PPFIA2: variants seen among roughly 807,000 people sequenced by gnomAD.
PPFIA2 encodes PPFI scaffold protein A2.
Under a neutral mutation model 175.5 loss-of-function variants are expected in PPFIA2, and 46 were observed. The ratio of observed to expected loss-of-function variants is 0.26; its 90% CI spans 0.21 to 0.34. The LOEUF is 0.34. PPFIA2 is among the 10% of genes least tolerant of loss of function. The pLI is 1.00. For synonymous variants in PPFIA2, 568 were observed against 511.4 expected, an observed-to-expected ratio of 1.11 and a Z score of -1.49; for missense variants, 1,179 against 1,506.1, an observed-to-expected ratio of 0.78 and a Z score of 3.60.
At chr12:81,583,150 G>A (rs1466272191) in intron 4 of PPFIA2, among the ~76,000 whole-genome samples, 2 of 151,666 alleles carry the variant, frequency 1.3e-5, no homozygotes, top group East Asian at 3.9e-4. Context: ...GCTTCCAATT[G>A]CACCTTGACT....
At chr12:81,334,827 G>C (rs564637620) in intron 21 of PPFIA2, among the ~76,000 whole-genome samples, 1 of 152,112 alleles carries the variant, frequency 6.6e-6, no homozygotes, top group Non-Finnish European at 1.5e-5. Flanking sequence ...TCTATTATTT[G>C]TCATATTCTC....
At chr12:81,318,929 C>T (rs2053036138) in intron 22 of PPFIA2, among the ~76,000 whole-genome samples, 2 of 151,428 alleles carry the variant, frequency 1.3e-5, no homozygotes, top group Admixed American at 6.6e-5. Flanking sequence ...ACATACTGAG[C>T]AAAAGAATGA....
chr12:81,432,132 T>C (rs1288217001), intron 7 of PPFIA2, among the ~76,000 whole-genome samples: 1 of 152,150 alleles, frequency 6.6e-6, no homozygotes, highest in Non-Finnish European at 1.5e-5. Flanking sequence ...CATTTTTAAG[T>C]GTGCCCTTTA....
intron 4 of PPFIA2, among the ~76,000 whole-genome samples, chr12:81,460,061 A>ATAAT (rs2054257411): frequency 6.6e-6 from 1 of 152,084 alleles, no homozygotes; most frequent in Non-Finnish European, 1.5e-5. Context: ...GTACATTTAG[A>ATAAT]GGTACCCTTT....
At chr12:81,650,381 G>A (rs1455893136) in intron 4 of PPFIA2, among the ~76,000 whole-genome samples, 5 of 151,782 alleles carry the variant, frequency 3.3e-5, no homozygotes, top group East Asian at 1.9e-4. Context: ...TAAATATACC[G>A]GATAACTTGT....
At chr12:81,592,484 C>T (rs971403910) in intron 4 of PPFIA2, among the ~76,000 whole-genome samples, 2 of 152,144 alleles carry the variant, frequency 1.3e-5, no homozygotes, top group African/African-American at 4.8e-5. Context: ...TCCCACACTT[C>T]CTACATGTTG....
At chr12:81,286,560 C>T (rs1333499165) in intron 24 of PPFIA2, among the ~76,000 whole-genome samples, 2 of 152,124 alleles carry the variant, frequency 1.3e-5, no homozygotes, top group Admixed American at 1.3e-4. Flanking sequence ...ACCACATAGC[C>T]TAGGTGTGCA....
At chr12:81,325,703 C>CT in intron 22 of PPFIA2, 74 bp downstream of exon 22, 1 of 1,118,904 alleles carries the variant, frequency 8.9e-7, no homozygotes, top group East Asian at 2.6e-5. Flanking sequence ...CAACCACTCT[C>CT]TTTTTAATTC....
At chr12:81,705,671 G>C (rs1318547471) in intron 3 of PPFIA2, among the ~76,000 whole-genome samples, 1 of 152,058 alleles carries the variant, frequency 6.6e-6, no homozygotes, top group East Asian at 1.9e-4. Flanking sequence ...TCTCCACACA[G>C]AGCCAAAGAC....
chr12:81,347,800 A>G (rs2059319738), intron 17 of PPFIA2, 30 bp from the exon 18 acceptor site: 1 of 1,601,986 alleles, frequency 6.2e-7, no homozygotes, highest in African/African-American at 1.4e-5. Flanking sequence ...TATGATCCAT[A>G]TATAATTTAA....
intron 7 of PPFIA2, among the ~76,000 whole-genome samples, chr12:81,413,886 T>TTAA (rs2044459888): frequency 6.6e-6 from 1 of 151,774 alleles, no homozygotes; most frequent in African/African-American, 2.4e-5. Context: ...TTCTGAAATA[T>TTAA]TAATATACAT....
At chr12:81,537,380 A>T (rs2065556307) in intron 4 of PPFIA2, among the ~76,000 whole-genome samples, 1 of 151,890 alleles carries the variant, frequency 6.6e-6, no homozygotes, top group Non-Finnish European at 1.5e-5. Flanking sequence ...GAGGAGAAAG[A>T]GTTAAGGGAG....
chr12:81,495,343 A>T (rs979406887), intron 4 of PPFIA2, among the ~76,000 whole-genome samples: 1 of 152,146 alleles, frequency 6.6e-6, no homozygotes, highest in African/African-American at 2.4e-5. Context: ...ATTTTACATG[A>T]ATAAAAAAAA....
chr12:81,487,821 A>G lies in PPFIA2; in HGVS notation c.304-29955T>C, dbSNP rs147156020. 5.3e-3 allele frequency among the ~76,000 whole-genome samples: 799 copies of G among 152,000 alleles called. 7 individuals are homozygous for G. The highest frequency in any genetic ancestry group is 9.3e-3 in the Non-Finnish European group (628 of 67,870). On this transcript the variant is annotated intron_variant, in intron 4 of 32. Coordinates refer to ENST00000549396, the MANE Select transcript of PPFIA2 (RefSeq NM_003625.5). ...GATATCTGAAAAAGCTGACAAAACT[A>G]TATGGAAAGAATAATTAATATAAAT...
intron 17 of PPFIA2, chr12:81,350,301 A>G (rs1007704961): frequency 3.3e-5 from 5 of 152,218 alleles, no homozygotes; most frequent in Non-Finnish European, 5.9e-5. Context: ...GTAATCAAAT[A>G]TTTATGAAGC....
At chr12:81,450,774 T>G (rs1351156596) in intron 5 of PPFIA2, among the ~76,000 whole-genome samples, 7 of 152,318 alleles carry the variant, frequency 4.6e-5, no homozygotes, top group African/African-American at 1.7e-4. Flanking sequence ...GTTTTAGGTC[T>G]AACATTTAAG....
At chr12:81,584,336 A>G (rs2074868969) in intron 4 of PPFIA2, among the ~76,000 whole-genome samples, 1 of 151,906 alleles carries the variant, frequency 6.6e-6, no homozygotes, top group African/African-American at 2.4e-5. Flanking sequence ...ATGATGCCAT[A>G]TATCATTTAG....
intron 22 of PPFIA2, among the ~76,000 whole-genome samples, chr12:81,301,237 C>G (rs1224745618): frequency 6.6e-6 from 1 of 151,908 alleles, no homozygotes; most frequent in Admixed American, 6.6e-5. Flanking sequence ...GGTAGGCCTT[C>G]ACAGAGTTAA....
At chr12:81,473,675 T>C (rs1318542495) in intron 4 of PPFIA2, among the ~76,000 whole-genome samples, 1 of 152,312 alleles carries the variant, frequency 6.6e-6, no homozygotes, top group South Asian at 2.1e-4. Context: ...TTATTGGCCA[T>C]GCTGTTCTGG....
Sources: gnomAD v4.1 joint callset for allele counts (sites outside exome capture counted in the v4.1 genomes callset) on GRCh38, gnomAD v4.1.1 for gene constraint, MANE v1.5 for transcripts, NCBI Gene and HGNC (gene_info 2026-07-23, HGNC 2026-07-21) for gene names.